SERPINB9: variants seen among roughly 807,000 people sequenced by gnomAD.
SERPINB9 encodes serpin family B member 9.
A neutral mutation model predicts 27.2 loss-of-function variants in SERPINB9; 20 were observed. That is an observed-to-expected ratio of 0.74 (90% CI 0.52 to 1.07). SERPINB9 has a LOEUF of 1.07. Ranked by LOEUF, SERPINB9 falls within the 50% of genes least tolerant of loss-of-function variation. The pLI, the probability that SERPINB9 is intolerant of heterozygous loss-of-function variation, is 0.00. For missense variants in SERPINB9, 476 were observed against 460.1 expected (o/e 1.03, Z -0.32); for synonymous variants, 189 against 180.0 (o/e 1.05, Z -0.40).
Position 2,890,833 on chromosome 6 carries a change from G to C in SERPINB9, c.724-263C>G, listed in dbSNP as rs746021301. 7.2e-5 allele frequency among the ~76,000 whole-genome samples: 11 copies of C among 152,160 alleles called. No individual in the cohort carries two copies. Among genetic ancestry groups the C allele is most frequent in the Non-Finnish European group, 1.6e-4 (11 of 68,028 alleles). ...CCTCTCCTTATCCAACAACTCCAGA[G>C]ACATCTTGTATTGTGACAAGTGTCA... On this transcript the variant is annotated intron_variant, in intron 6 of 6. Coordinates refer to ENST00000380698, the MANE Select transcript of SERPINB9 (RefSeq NM_004155.6). This position sits in a 1 kb window ranked among gnomAD's most constrained non-coding sequence, Gnocchi z 6.2.
intron 1 of SERPINB9, 148 bp from the exon 2 acceptor site, chr6:2,900,769 T>C (rs776797934): frequency 1.2e-4 from 93 of 770,650 alleles, no homozygotes; most frequent in Non-Finnish European, 1.4e-4. Flanking sequence ...TTATTTTCTG[T>C]TAGTCTCCGG....
In SERPINB9 at chr6:2,888,286, A is replaced by G. The variant is rs1309385202; in HGVS notation, c.*1877T>C. 1 of 152,264 alleles carries G rather than the reference A, an allele frequency of 6.6e-6. No individual in the cohort carries two copies. The highest frequency in any genetic ancestry group is 1.5e-5 in the Non-Finnish European group (1 of 68,050). 9.4% of individuals were successfully genotyped at this position (152,264 alleles called of 1,614,324 possible). On this transcript the variant is annotated 3_prime_UTR_variant, in exon 7 of 7. Transcript: ENST00000380698. ...TGGAAAACAGTTTGTCTGTTCCTCA[A>G]AAAGCTAAACATAGAATTAACATAT...
chr6:2,897,354 T>G (rs778383033), intron 2 of SERPINB9, among the ~76,000 whole-genome samples: 58 of 152,114 alleles, frequency 3.8e-4, no homozygotes, highest in Non-Finnish European at 6.3e-4. Flanking sequence ...TAATCCCAGC[T>G]ACTTGGGAGG....
At position 2,889,680 on chromosome 6, in the gene SERPINB9, G is replaced by A. The variant is rs1767718903; in HGVS notation, c.*483C>T. On this transcript the variant is annotated 3_prime_UTR_variant, in exon 7 of 7. Transcript: ENST00000380698. ...ACTGCACTCCAGCCTGGGCGACAGAGAGCCAGACTGCGTCTCAGAAAAAAA... is the reference window on the plus strand; with the variant it reads ...ACTGCACTCCAGCCTGGGCGACAGAAAGCCAGACTGCGTCTCAGAAAAAAA... The A allele has an allele frequency of 7.0e-6, 1 of 142,028 alleles. No individual in the cohort carries two copies. The highest frequency in any genetic ancestry group is 1.5e-5 in the Non-Finnish European group (1 of 66,546). 8.8% of individuals were successfully genotyped at this position (142,028 alleles called of 1,614,324 possible). A position where few individuals can be genotyped will look rare whatever the true frequency, so the allele number is the denominator to read the frequency against.
chr6:2,900,721 T>C, intron 1 of SERPINB9, 100 bp from the exon 2 acceptor site: 3 of 1,067,666 alleles, frequency 2.8e-6, no homozygotes, highest in African/African-American at 1.6e-5. Flanking sequence ...TTTTGTTTTC[T>C]TCTTAAAGTT....
intron 2 of SERPINB9, among the ~76,000 whole-genome samples, chr6:2,897,630 A>G (rs1182580489): frequency 6.6e-6 from 1 of 152,220 alleles, no homozygotes; most frequent in African/African-American, 2.4e-5. Flanking sequence ...AAATGCTAAA[A>G]CTTTAAAATC....
At chr6:2,898,066 G>GAT (rs1768060790) in intron 2 of SERPINB9, among the ~76,000 whole-genome samples, 2 of 151,452 alleles carry the variant, frequency 1.3e-5, no homozygotes, top group African/African-American at 2.4e-5. Flanking sequence ...ACAGAGCAGA[G>GAT]ACTCTATCTC....
chr6:2,895,862 G>C (rs947198291), intron 3 of SERPINB9, among the ~76,000 whole-genome samples, 191 bp downstream of exon 3: 2 of 151,972 alleles, frequency 1.3e-5, no homozygotes, highest in African/African-American at 4.8e-5. Context: ...ACAGGCAGGA[G>C]GATCACTTGA....
Position 2,890,466 on chromosome 6 carries a change from C to T in SERPINB9, c.828G>A (p.Glu276=), listed in dbSNP as rs1183190164. Residue 276 remains glutamate (E), a synonymous_variant, in exon 7 of 7, where the codon GAG becomes GAA. Coordinates refer to ENST00000380698, the MANE Select transcript of SERPINB9 (RefSeq NM_004155.6). This position sits in a 1 kb window ranked among gnomAD's most constrained non-coding sequence, Gnocchi z 6.2. ...EVLLPKFKLQ[E]DYDMESVLRH... is the part of the protein sequence containing the mutation. ...GAAGCACAGATTCCATGTCATAATC[C>T]TCTTGTAGTTTAAATTTTGGAAGGA... is the stretch of plus-strand genomic sequence containing the variant. 2 of 1,614,138 alleles carry T rather than the reference C, an allele frequency of 1.2e-6. No individual in the cohort carries two copies. Among genetic ancestry groups the T allele is most frequent in the Non-Finnish European group, 1.7e-6 (2 of 1,180,028 alleles).
At chr6:2,899,587 C>T (rs760734086) in intron 2 of SERPINB9, among the ~76,000 whole-genome samples, 6 of 152,284 alleles carry the variant, frequency 3.9e-5, no homozygotes, top group African/African-American at 1.2e-4. Context: ...CCATGGCATG[C>T]GTATTTTCAT....
chr6:2,892,132 A>AAAAAAAGAC (rs1767830036), intron 5 of SERPINB9, 144 bp from the exon 6 acceptor site: 1 of 686,392 alleles, frequency 1.5e-6, no homozygotes, highest in African/African-American at 2.0e-5. Context: ...AAAAAAAAAA[A>AAAAAAAGAC]AAAAGTCAAC....
chr6:2,891,772 G>A lies in SERPINB9; in HGVS notation c.723+61C>T. 1 of 1,519,978 alleles carries A rather than the reference G, an allele frequency of 6.6e-7. No individual in the cohort carries two copies. Among genetic ancestry groups the A allele is most frequent in the Non-Finnish European group, 8.8e-7 (1 of 1,139,206 alleles). 94.2% of individuals were successfully genotyped at this position (1,519,978 alleles called of 1,614,324 possible). ...CAGAAGGTGAATATGAGAGGTGGAA[G>A]TGGCACTCGAGTTCTGCCCGCAAAG... On this transcript the variant is annotated intron_variant, in intron 6 of 6. Transcript: ENST00000380698. This position sits in a 1 kb window ranked among gnomAD's most constrained non-coding sequence, Gnocchi z 4.0.
chr6:2,892,765 T>A (rs1248359218), intron 5 of SERPINB9, among the ~76,000 whole-genome samples: 1 of 152,170 alleles, frequency 6.6e-6, no homozygotes, highest in Non-Finnish European at 1.5e-5. Flanking sequence ...CTGCTTTTGT[T>A]TTTTAATTAC....
intron 2 of SERPINB9, chr6:2,899,920 T>C (rs1768137096): frequency 4.4e-6 from 2 of 456,586 alleles, no homozygotes; most frequent in South Asian, 3.1e-5. Context: ...CCACAGGTTC[T>C]CTGAATGTTG....
chr6:2,898,651 A>G (rs1768086231), intron 2 of SERPINB9, among the ~76,000 whole-genome samples: 1 of 152,076 alleles, frequency 6.6e-6, no homozygotes, highest in Non-Finnish European at 1.5e-5. Flanking sequence ...CCCTGTCTCT[A>G]CTAAAAATAA....
intron 4 of SERPINB9, 86 bp downstream of exon 4, chr6:2,895,305 G>A (rs1767955100): frequency 2.5e-6 from 2 of 812,334 alleles, no homozygotes; most frequent in Admixed American, 2.1e-5. Flanking sequence ...GGAGGAGAGA[G>A]GATATAAGAG....
chr6:2,900,881 T>TCG (rs1410643835), intron 1 of SERPINB9, among the ~76,000 whole-genome samples: 4 of 27,286 alleles, frequency 1.5e-4, no homozygotes, highest in South Asian at 8.9e-4. Context: ...CAGAGCTCGC[T>TCG]CTCTCACACA....
chr6:2,900,299 G>T, intron 2 of SERPINB9, 145 bp downstream of exon 2: 1 of 921,154 alleles, frequency 1.1e-6, no homozygotes, highest in Non-Finnish European at 1.6e-6. Flanking sequence ...TTCCCCAGTG[G>T]ACCCCGCCTC....
intron 4 of SERPINB9, among the ~76,000 whole-genome samples, chr6:2,895,091 G>C (rs1157277063): frequency 6.6e-6 from 1 of 152,208 alleles, no homozygotes; most frequent in Non-Finnish European, 1.5e-5. Context: ...CTCTGGTCCT[G>C]GGAGAATAGA....
Sources: gnomAD v4.1 joint callset for allele counts (sites outside exome capture counted in the v4.1 genomes callset) on GRCh38, gnomAD v4.1.1 for gene constraint, Gnocchi (gnomAD v3.1) non-coding constraint, MANE v1.5 for transcripts, NCBI Gene and HGNC (gene_info 2026-07-23, HGNC 2026-07-21) for gene names.